Variants in LCOR observed in about 807,000 individuals in gnomAD.
LCOR encodes the protein ligand-dependent corepressor.
LCOR carries 14 observed loss-of-function variants against 64.4 expected under a neutral mutation model. The ratio of observed to expected loss-of-function variants is 0.22; its 90% CI spans 0.14 to 0.34. LCOR has a LOEUF of 0.34. Among genes scored for constraint, LCOR ranks in the 10% least tolerant of loss-of-function variants. The probability of loss-of-function intolerance (pLI) is 1.00; values close to 1 mark genes in which losing one functional copy is unlikely to be tolerated. For synonymous variants in LCOR, 643 were observed against 642.5 expected, an observed-to-expected ratio of 1.00 and a Z score of -0.01; for missense variants, 1,686 against 1,765.3, an observed-to-expected ratio of 0.96 and a Z score of 0.80.
At chr10:96,880,515 A>C (rs527394322) in intron 2 of LCOR, among the ~76,000 whole-genome samples, 4 of 152,134 alleles carry the variant, frequency 2.6e-5, no homozygotes, top group African/African-American at 9.6e-5. Context: ...CTCGTGCCTT[A>C]CCCTCCTGAG....
chr10:96,920,770 ACACACACACACACACACACACGCG>A (rs1847063986), intron 4 of LCOR, among the ~76,000 whole-genome samples: 2 of 122,578 alleles, frequency 1.6e-5, no homozygotes, highest in African/African-American at 8.7e-5. Context: ...ACACACACAC[ACACACACACACACACACACACGCG>A]CGGTGGGGGG....
chr10:96,950,485 C>T (rs1461944338), intron 6 of LCOR, among the ~76,000 whole-genome samples: 1 of 152,012 alleles, frequency 6.6e-6, no homozygotes, highest in Non-Finnish European at 1.5e-5. Context: ...AATATTGCAT[C>T]AGAAGTTTCA....
chr10:96,981,325 G>A lies in LCOR; in HGVS notation c.865G>A (p.Glu289Lys). ...CTTCCACCACATCCCTAAAATCTTG[G>A]AGGGGCAGACCACTGGACAAGAGCA... ...VNFHHIPKILEGQTTGQEQDT... is the reference protein window; with the variant it reads ...VNFHHIPKILKGQTTGQEQDT... Residue 289 changes from glutamate to lysine, a missense_variant, in exon 8 of 8, where the codon GAG (glutamate) becomes AAG (lysine). Glu to Lys is a moderately conservative substitution (Grantham distance 56). Around this residue, in one of 3 missense-constraint regions of LCOR, gnomAD observed 313 missense variants for 247.2 expected, o/e 1.27. Coordinates refer to ENST00000421806, the MANE Select transcript of LCOR (RefSeq NM_001346516.2). The A allele has an allele frequency of 6.2e-7, 1 of 1,603,904 alleles. No individual in the cohort carries two copies. Among genetic ancestry groups the A allele is most frequent in the Non-Finnish European group, 8.5e-7 (1 of 1,172,046 alleles).
In LCOR at chr10:96,988,214, C is replaced by T. The variant is rs1333946586; in HGVS notation, c.*3080C>T. ...TCACTTGGGGTCCTGAGCCTCACCC[C>T]TAGCACTTCCTCAGACAGGTAACAA... On this transcript the variant is annotated 3_prime_UTR_variant, in exon 8 of 8. Transcript: ENST00000421806. The T allele has an allele frequency of 2.6e-5, 4 of 152,256 alleles. No individual in the cohort carries two copies. In the East Asian group the frequency reaches 7.7e-4, roughly 29 times the overall value. The allele number at this position is 152,256 out of a possible 1,614,324, so 9.4% of individuals were successfully genotyped here. A position where few individuals can be genotyped will look rare whatever the true frequency, so the allele number is the denominator to read the frequency against.
chr10:96,929,200 T>C (rs1354004132), intron 4 of LCOR, among the ~76,000 whole-genome samples: 1 of 152,248 alleles, frequency 6.6e-6, no homozygotes, highest in African/African-American at 2.4e-5. Context: ...AGCCAGGCAT[T>C]GACTTGTCCT....
intron 2 of LCOR, among the ~76,000 whole-genome samples, chr10:96,838,707 A>G (rs1845488641): frequency 6.6e-6 from 1 of 152,188 alleles, no homozygotes; most frequent in Non-Finnish European, 1.5e-5. Context: ...GACATACCAC[A>G]TTTTGTTTAT....
chr10:96,962,468 TTA>T (rs1847896559), intron 7 of LCOR: 1 of 152,150 alleles, frequency 6.6e-6, no homozygotes, highest in Admixed American at 6.5e-5. Context: ...CTTAATGTTT[TTA>T]AGTTGTGGAA....
intron 4 of LCOR, among the ~76,000 whole-genome samples, chr10:96,916,517 T>C (rs146134315): frequency 0.012 from 1,750 of 151,088 alleles, 39 homozygotes; most frequent in African/African-American, 0.039. Flanking sequence ...TAAAAGGAAC[T>C]ATGGAAGAAA....
intron 2 of LCOR, among the ~76,000 whole-genome samples, chr10:96,879,197 G>T (rs1256791891): frequency 6.6e-6 from 1 of 152,052 alleles, no homozygotes; most frequent in Non-Finnish European, 1.5e-5. Flanking sequence ...AATAAAAACA[G>T]TGAAATATAT....
At position 96,981,612 on chromosome 10, in the gene LCOR, T is replaced by C. The variant is rs1439725126; in HGVS notation, c.1152T>C (p.Asn384=). ...CTTTGCGCCAGGATTTAGAGGCAAA[T>C]GAACAAGATGCAAGGCCAAAGCAAG... is the stretch of plus-strand genomic sequence containing the variant. The part of the protein sequence containing the change: ...KTPLRQDLEA[N]EQDARPKQEN... Residue 384 remains asparagine (N), a synonymous_variant, in exon 8 of 8, where the codon AAT becomes AAC. Coordinates refer to ENST00000421806, the MANE Select transcript of LCOR (RefSeq NM_001346516.2). 4 of 1,614,048 alleles carry C rather than the reference T, an allele frequency of 2.5e-6. No individual in the cohort carries two copies. Among genetic ancestry groups the C allele is most frequent in the Admixed American group, 3.3e-5 (2 of 60,010 alleles).
At position 96,994,435 on chromosome 10, in the gene LCOR, G is replaced by A. The variant is rs926331014; in HGVS notation, c.*9301G>A. ...TCTCTTTTTGACCGTCCTAAACTTT[G>A]TGAAAATAAATACCCCACACCCAGA... On this transcript the variant is annotated 3_prime_UTR_variant, in exon 8 of 8. Transcript: ENST00000421806. The A allele has an allele frequency of 6.6e-6, 1 of 152,164 alleles. No homozygotes were observed. The highest frequency in any genetic ancestry group is 6.5e-5 in the Admixed American group (1 of 15,274). The allele number at this position is 152,164 out of a possible 1,614,324, so 9.4% of individuals were successfully genotyped here.
intron 2 of LCOR, among the ~76,000 whole-genome samples, chr10:96,867,677 A>T (rs1203836485): frequency 6.6e-6 from 1 of 152,094 alleles, no homozygotes; most frequent in African/African-American, 2.4e-5. Context: ...CGGGAGGATG[A>T]CTTGAGCCCA....
chr10:96,890,435 C>T (rs746774174), intron 2 of LCOR, among the ~76,000 whole-genome samples: 1 of 152,076 alleles, frequency 6.6e-6, no homozygotes, highest in Non-Finnish European at 1.5e-5. Flanking sequence ...CTTGCTGAAC[C>T]TGTTTATTAG....
chr10:96,916,607 C>CTATATATCTATATATCTATATATATATA (rs1564624766), intron 4 of LCOR, among the ~76,000 whole-genome samples: 13 of 140,766 alleles, frequency 9.2e-5, no homozygotes, highest in African/African-American at 3.5e-4. Context: ...ATATATATAT[C>CTATATATCTATATATCTATATATATATA]TATATATATG....
rs139248625 is a variant in LCOR at position 96,872,289 on chromosome 10, G to A, written c.-329-34976G>A. Reference sequence around the variant, plus strand: ...TTCAAATATACCATCGGTATCAGCAGCCACACAGTTTAGCCTTTGTCACTA... The same window carrying A: ...TTCAAATATACCATCGGTATCAGCAACCACACAGTTTAGCCTTTGTCACTA... On this transcript the variant is annotated intron_variant, in intron 2 of 7. Transcript: ENST00000421806. 1.8e-3 allele frequency among the ~76,000 whole-genome samples: 280 copies of A among 152,378 alleles called. 1 individual carries two copies. Among genetic ancestry groups the A allele is most frequent in the African/African-American group, 6.6e-3 (275 of 41,594 alleles).
chr10:96,941,199 C>A (rs1364250176), intron 4 of LCOR, among the ~76,000 whole-genome samples: 1 of 139,130 alleles, frequency 7.2e-6, no homozygotes, highest in African/African-American at 2.7e-5. Flanking sequence ...CTGACCCCCC[C>A]ACCTCCCTCC....
At chr10:96,872,104 C>A (rs900986784) in intron 2 of LCOR, among the ~76,000 whole-genome samples, 1 of 152,186 alleles carries the variant, frequency 6.6e-6, no homozygotes, top group Non-Finnish European at 1.5e-5. Context: ...GTAGCTTGCC[C>A]CACAGTCTGT....
At chr10:96,844,241 C>G (rs536547016) in intron 2 of LCOR, among the ~76,000 whole-genome samples, 7 of 150,996 alleles carry the variant, frequency 4.6e-5, no homozygotes, top group Admixed American at 2.0e-4. Context: ...GCCTCCGACT[C>G]CTGGACTCAA....
At chr10:96,832,787 G>T (rs1370541859) in intron 1 of LCOR, among the ~76,000 whole-genome samples, 1 of 150,654 alleles carries the variant, frequency 6.6e-6, no homozygotes, top group African/African-American at 2.4e-5. Context: ...TCGCGGCGCT[G>T]CCGCTGTACT....
Sources: gnomAD v4.1 joint callset for allele counts (sites outside exome capture counted in the v4.1 genomes callset) on GRCh38, gnomAD v4.1.1 for gene constraint, gnomAD v4.1.1 regional missense constraint, MANE v1.5 for transcripts, NCBI Gene and HGNC (gene_info 2026-07-23, HGNC 2026-07-21) for gene names.